Variants in SLC22A23 observed in about 807,000 individuals in gnomAD.
SLC22A23 encodes solute carrier family 22 member 23, also known as ion transporter protein.
In SLC22A23, 26 loss-of-function variants were observed where a neutral mutation model predicts 61.0. The ratio of observed to expected loss-of-function variants is 0.43; its 90% CI spans 0.31 to 0.59. SLC22A23 has a LOEUF of 0.59. Ranked by LOEUF, SLC22A23 falls within the 20% of genes least tolerant of loss-of-function variation. The pLI is 0.11. For missense variants in SLC22A23, 796 were observed against 934.7 expected (o/e 0.85, Z 1.94); for synonymous variants, 430 against 413.9 (o/e 1.04, Z -0.47).
chr6:3,396,382 G>A (rs1461625108), intron 3 of SLC22A23, among the ~76,000 whole-genome samples: 1 of 152,178 alleles, frequency 6.6e-6, no homozygotes. Flanking sequence ...CCAACATGGT[G>A]AATCCCCATC....
intron 4 of SLC22A23, among the ~76,000 whole-genome samples, chr6:3,307,653 C>CGCAT (rs1762078473): frequency 6.6e-6 from 1 of 152,218 alleles, no homozygotes; most frequent in South Asian, 2.1e-4. Context: ...AACCACACCA[C>CGCAT]GGTAGGTGCA....
chr6:3,386,107 C>T lies in SLC22A23; in HGVS notation c.913+24081G>A, dbSNP rs986949825. Among the ~76,000 whole-genome samples the T allele has an allele frequency of 2.6e-5, 4 of 152,182 alleles. No individual in the cohort carries two copies. Among genetic ancestry groups the T allele is most frequent in the Admixed American group, 2.0e-4 (3 of 15,288 alleles). ...TGGTCACTGATGAGGGGACTTCAAT[C>T]GGCTTGAAGAACTCACACCTTTCCA... On this transcript the variant is annotated intron_variant, in intron 3 of 9. Coordinates refer to ENST00000406686, the MANE Select transcript of SLC22A23 (RefSeq NM_015482.2). This position sits in a 1 kb window ranked among gnomAD's most constrained non-coding sequence, Gnocchi z 4.4.
chr6:3,405,032 G>A (rs12191862), intron 3 of SLC22A23, among the ~76,000 whole-genome samples: 31,240 of 151,606 alleles, frequency 0.21, 3,285 homozygotes, highest in Middle Eastern at 0.25. Context: ...AGGCCGAGGC[G>A]GGCGGATCAC....
chr6:3,326,092 C>T (rs916981135), intron 3 of SLC22A23, among the ~76,000 whole-genome samples: 1 of 152,226 alleles, frequency 6.6e-6, no homozygotes, highest in Non-Finnish European at 1.5e-5. Flanking sequence ...ATCATGAGGC[C>T]ACTTCCCAGA....
In SLC22A23 at chr6:3,322,642, A is replaced by G. The variant is rs547285154; in HGVS notation, c.1082+1192T>C. Among the ~76,000 whole-genome samples, 69 of 152,194 alleles carry G rather than the reference A, an allele frequency of 4.5e-4. No homozygotes were observed. The highest frequency in any genetic ancestry group is 1.6e-3 in the African/African-American group (68 of 41,512). On this transcript the variant is annotated intron_variant, in intron 4 of 9. Coordinates refer to ENST00000406686, the MANE Select transcript of SLC22A23 (RefSeq NM_015482.2). The surrounding 1 kb of genome is among the most constrained non-coding windows in gnomAD (Gnocchi z 4.1). ...GCTGCTGCCGAGGTCCTCATAACACAGTGAGCAAGAACCAGGCTCTCGGGG... is the reference window on the plus strand; with the variant it reads ...GCTGCTGCCGAGGTCCTCATAACACGGTGAGCAAGAACCAGGCTCTCGGGG...
intron 6 of SLC22A23, among the ~76,000 whole-genome samples, chr6:3,287,479 CAG>C (rs1213465775): frequency 6.6e-6 from 1 of 152,232 alleles, no homozygotes. Flanking sequence ...ACCCACTTCA[CAG>C]GGGCAGGGGG....
intron 1 of SLC22A23, among the ~76,000 whole-genome samples, chr6:3,418,625 C>A (rs1769900980): frequency 6.6e-6 from 1 of 152,244 alleles, no homozygotes; most frequent in African/African-American, 2.4e-5. Context: ...AGTTCCCAGC[C>A]TCTGGGCTTC....
intron 3 of SLC22A23, among the ~76,000 whole-genome samples, chr6:3,394,668 C>T (rs1044828925): frequency 1.3e-5 from 2 of 152,136 alleles, no homozygotes; most frequent in Non-Finnish European, 2.9e-5. Flanking sequence ...ATCACTTTGT[C>T]CCTCAAAAAG....
rs915459716 is a variant in SLC22A23 at position 3,390,952 on chromosome 6, C to A, written c.913+19236G>T. Among the ~76,000 whole-genome samples, 4 of 152,122 alleles carry A rather than the reference C, an allele frequency of 2.6e-5. No homozygotes were observed. Among genetic ancestry groups the A allele is most frequent in the Non-Finnish European group, 5.9e-5 (4 of 68,030 alleles). ...CTTTTTCCGTGAATTTGGTCAACTGCCTGAATGGAATGAAGAGAATCATAC... is the reference window on the plus strand; with the variant it reads ...CTTTTTCCGTGAATTTGGTCAACTGACTGAATGGAATGAAGAGAATCATAC... On this transcript the variant is annotated intron_variant, in intron 3 of 9. Coordinates refer to ENST00000406686, the MANE Select transcript of SLC22A23 (RefSeq NM_015482.2). This position sits in a 1 kb window ranked among gnomAD's most constrained non-coding sequence, Gnocchi z 4.0.
At chr6:3,303,318 C>T (rs989734265) in intron 4 of SLC22A23, 7 of 152,162 alleles carry the variant, frequency 4.6e-5, no homozygotes, top group African/African-American at 1.7e-4. Context: ...AAACTACAAA[C>T]AGAATTACCT....
intron 9 of SLC22A23, among the ~76,000 whole-genome samples, chr6:3,280,585 T>G (rs1306054347): frequency 1.4e-5 from 2 of 139,190 alleles, no homozygotes; most frequent in Non-Finnish European, 3.0e-5. Context: ...AAGCTCCGCC[T>G]CCTGGGTTCA....
intron 3 of SLC22A23, among the ~76,000 whole-genome samples, chr6:3,336,659 C>T (rs1427045153): frequency 1.3e-5 from 2 of 152,242 alleles, no homozygotes; most frequent in Non-Finnish European, 2.9e-5. Flanking sequence ...TTGTATTCAG[C>T]ACTTACCAGA....
rs533342479 is a variant in SLC22A23 at position 3,342,653 on chromosome 6, G to A, written c.914-18651C>T. On this transcript the variant is annotated intron_variant, in intron 3 of 9. Transcript: ENST00000406686. The surrounding 1 kb of genome is among the most constrained non-coding windows in gnomAD (Gnocchi z 4.0). ...ATTCAAACCTTGAGGAGCTTTTGCC[G>A]TCAAATGTCAGCAAAATTGCTGGGA... Among the ~76,000 whole-genome samples, 9 of 152,280 alleles carry A rather than the reference G, an allele frequency of 5.9e-5. No homozygotes were observed. The highest frequency in any genetic ancestry group is 1.9e-4 in the East Asian group (1 of 5,178).
intron 3 of SLC22A23, among the ~76,000 whole-genome samples, chr6:3,350,574 C>T (rs1764709955): frequency 6.6e-6 from 1 of 152,180 alleles, no homozygotes; most frequent in Non-Finnish European, 1.5e-5. Flanking sequence ...GCCTGCACAG[C>T]CCAGAATATT....
Position 3,456,399 on chromosome 6 carries a change from G to T in SLC22A23, c.161C>A (p.Pro54His), listed in dbSNP as rs1381921783. Reference protein sequence around the residue: ...PGGGAEIQPLPPLHPGGGPHP... With the variant: ...PGGGAEIQPLHPLHPGGGPHP... Reference sequence around the variant, plus strand: ...CGGGCCGCCTCCAGGATGCAGTGGGGGCAGCGGCTGGATCTCCGCGCCGCC... The same window carrying T: ...CGGGCCGCCTCCAGGATGCAGTGGGTGCAGCGGCTGGATCTCCGCGCCGCC... Residue 54 changes from proline to histidine, a missense_variant, in exon 1 of 10, where the codon CCC becomes CAC. Transcript: ENST00000406686. The surrounding 1 kb of genome is among the most constrained non-coding windows in gnomAD (Gnocchi z 7.1). 12 of 1,494,682 alleles carry T rather than the reference G, an allele frequency of 8.0e-6. No homozygotes were observed. Among genetic ancestry groups the T allele is most frequent in the Non-Finnish European group, 8.9e-7 (1 of 1,118,726 alleles). The allele number at this position is 1,494,682 out of a possible 1,614,324, so 92.6% of individuals were successfully genotyped here.
In SLC22A23 at chr6:3,329,051, G is replaced by A. The variant is rs1201817250; in HGVS notation, c.914-5049C>T. Among the ~76,000 whole-genome samples, 1 of 152,292 alleles carries A rather than the reference G, an allele frequency of 6.6e-6. No individual in the cohort carries two copies. Among genetic ancestry groups the A allele is most frequent in the South Asian group, 2.1e-4 (1 of 4,826 alleles). On this transcript the variant is annotated intron_variant, in intron 3 of 9. Coordinates refer to ENST00000406686, the MANE Select transcript of SLC22A23 (RefSeq NM_015482.2). The surrounding 1 kb of genome is among the most constrained non-coding windows in gnomAD (Gnocchi z 4.8). ...CCCAGGGAGGAGCCCCAGGGAGCAC[G>A]CAAAGGTCCGAGCTGTGCTACTGAG...
At chr6:3,438,218 G>A (rs9378795) in intron 1 of SLC22A23, among the ~76,000 whole-genome samples, 31,971 of 152,218 alleles carry the variant, frequency 0.21, 3,493 homozygotes, top group East Asian at 0.35. Context: ...CCAAGAGAGT[G>A]AGACAAGGCA....
chr6:3,340,580 A>G (rs1162583550), intron 3 of SLC22A23, among the ~76,000 whole-genome samples: 1 of 152,208 alleles, frequency 6.6e-6, no homozygotes, highest in Non-Finnish European at 1.5e-5. Flanking sequence ...TTCTAACCAC[A>G]GTATGAGGAG....
intron 3 of SLC22A23, among the ~76,000 whole-genome samples, chr6:3,336,799 CTT>C (rs35612904): frequency 6.1e-4 from 80 of 131,558 alleles, no homozygotes; most frequent in African/African-American, 1.3e-3. Flanking sequence ...CTGTAGTAGG[CTT>C]TTTTTTTTTT....
Sources: allele counts gnomAD v4.1 joint callset (sites outside exome capture counted in the v4.1 genomes callset), GRCh38; gene constraint gnomAD v4.1.1; non-coding constraint Gnocchi (gnomAD v3.1); transcripts MANE v1.5; gene names NCBI Gene and HGNC (gene_info 2026-07-23, HGNC 2026-07-21).